The following THSD7B variants were observed in gnomAD, a reference collection of about 807,000 sequenced individuals.
THSD7B encodes thrombospondin type 1 domain containing 7B.
In THSD7B, 138 loss-of-function variants were observed where a neutral mutation model predicts 213.6. The ratio of observed to expected loss-of-function variants is 0.65; its 90% CI spans 0.56 to 0.74. THSD7B has a LOEUF of 0.74. Among genes scored for constraint, THSD7B ranks in the 30% least tolerant of loss-of-function variants. The probability of loss-of-function intolerance (pLI) is 0.00; values close to 1 mark genes in which losing one functional copy is unlikely to be tolerated. For synonymous variants in THSD7B, 742 were observed against 687.0 expected (o/e 1.08, Z -1.25); for missense variants, 1,931 against 1,991.5 (o/e 0.97, Z 0.58).
At chr2:137,082,031 C>T (rs563572320) in intron 3 of THSD7B, among the ~76,000 whole-genome samples, 1 of 152,246 alleles carries the variant, frequency 6.6e-6, no homozygotes, top group East Asian at 1.9e-4. Flanking sequence ...TTATCCATGA[C>T]TGCCACTTCC....
At chr2:137,085,955 T>C (rs1687832612) in intron 3 of THSD7B, among the ~76,000 whole-genome samples, 1 of 152,236 alleles carries the variant, frequency 6.6e-6, no homozygotes, top group African/African-American at 2.4e-5. Context: ...TCAGAATCTA[T>C]GCATATGTTT....
chr2:137,374,591 T>A lies in THSD7B; in HGVS notation c.2501-31022T>A, dbSNP rs1014786463. On this transcript the variant is annotated intron_variant, in intron 12 of 27. Coordinates refer to ENST00000409968, the MANE Select transcript of THSD7B (RefSeq NM_001316349.2). Reference sequence around the variant, plus strand: ...AATTTTTTTAACCTAAATTGTAGAATGTTTTCCATTGTGTATTAGCATGCT... The same window carrying A: ...AATTTTTTTAACCTAAATTGTAGAAAGTTTTCCATTGTGTATTAGCATGCT... 8.1e-4 allele frequency among the ~76,000 whole-genome samples: 124 copies of A among 152,230 alleles called. 1 individual carries two copies. The highest frequency in any genetic ancestry group is 5.9e-4 in the Non-Finnish European group (40 of 68,050).
At chr2:137,442,156 C>T (rs76912004) in intron 14 of THSD7B, among the ~76,000 whole-genome samples, 5,629 of 152,058 alleles carry the variant, frequency 0.037, 147 homozygotes, top group Non-Finnish European at 0.052. Context: ...GATTTATAAT[C>T]CATATTGTGA....
intron 2 of THSD7B, among the ~76,000 whole-genome samples, chr2:136,897,260 G>A (rs566410691): frequency 7.9e-5 from 12 of 152,104 alleles, no homozygotes; most frequent in Admixed American, 2.6e-4. Context: ...ATGAAGTCAC[G>A]GACCTGCATG....
chr2:137,102,131 T>C (rs762925022), intron 4 of THSD7B, among the ~76,000 whole-genome samples: 39 of 152,186 alleles, frequency 2.6e-4, no homozygotes, highest in Non-Finnish European at 1.8e-4. Context: ...AGACACTTCA[T>C]ACAGGAGAGT....
At chr2:136,826,796 C>A (rs545168641) in intron 1 of THSD7B, among the ~76,000 whole-genome samples, 14 of 152,192 alleles carry the variant, frequency 9.2e-5, no homozygotes, top group African/African-American at 2.9e-4. Flanking sequence ...CTCTGCTACT[C>A]TTCCCAACAC....
chr2:137,580,711 C>G (rs1277166896), intron 17 of THSD7B, among the ~76,000 whole-genome samples: 1 of 152,150 alleles, frequency 6.6e-6, no homozygotes, highest in Admixed American at 6.5e-5. Flanking sequence ...GTCCTGCAAG[C>G]TGTACAGGAA....
intron 2 of THSD7B, among the ~76,000 whole-genome samples, chr2:136,956,253 G>A (rs1685122216): frequency 2.0e-5 from 3 of 152,070 alleles, no homozygotes; most frequent in African/African-American, 7.2e-5. Context: ...TTTTAACTAT[G>A]TGTCAGCAAA....
chr2:137,006,598 A>G (rs1686118622), intron 2 of THSD7B, among the ~76,000 whole-genome samples: 3 of 152,206 alleles, frequency 2.0e-5, no homozygotes, highest in African/African-American at 7.2e-5. Context: ...TTATCAATGC[A>G]GAGAATAAAT....
chr2:137,022,548 T>G (rs1315901808), intron 2 of THSD7B, among the ~76,000 whole-genome samples: 1 of 151,086 alleles, frequency 6.6e-6, no homozygotes, highest in Non-Finnish European at 1.5e-5. Context: ...AAATCTTCGT[T>G]TTTTTTTTAT....
chr2:137,626,170 T>C (rs1461753157), intron 20 of THSD7B, among the ~76,000 whole-genome samples: 5 of 152,108 alleles, frequency 3.3e-5, no homozygotes, highest in Admixed American at 6.5e-5. Context: ...ATCTTTAAAA[T>C]GCCTTTAGGG....
chr2:137,030,929 G>T (rs1271100436), intron 2 of THSD7B, among the ~76,000 whole-genome samples: 1 of 152,144 alleles, frequency 6.6e-6, no homozygotes, highest in African/African-American at 2.4e-5. Context: ...TGAAATAAAA[G>T]AATTCAAAAT....
chr2:137,314,678 A>G (rs368110629), intron 12 of THSD7B, among the ~76,000 whole-genome samples: 2 of 151,986 alleles, frequency 1.3e-5, no homozygotes, highest in Non-Finnish European at 2.9e-5. Flanking sequence ...TGTACAGATG[A>G]GTTTTTGGTG....
chr2:136,987,984 G>A (rs1197624276), intron 2 of THSD7B, among the ~76,000 whole-genome samples: 1 of 152,130 alleles, frequency 6.6e-6, no homozygotes, highest in Non-Finnish European at 1.5e-5. Context: ...AAGTCCAAAT[G>A]TTTATTTTTA....
intron 15 of THSD7B, among the ~76,000 whole-genome samples, chr2:137,527,914 A>G (rs146535968): frequency 2.6e-5 from 4 of 152,200 alleles, no homozygotes; most frequent in African/African-American, 7.2e-5. Flanking sequence ...GAAAAACTGG[A>G]TTCTAGAGTC....
rs558155993 is a variant in THSD7B, at chr2:137,234,786, C to T, written c.2150+1653C>T. On this transcript the variant is annotated intron_variant, in intron 9 of 27. Coordinates refer to ENST00000409968, the MANE Select transcript of THSD7B (RefSeq NM_001316349.2). ...AAGATCAAGGGAAGTGTATGTTTAT[C>T]TTTTGCTTCAAGAAAAACATATTTA... is the stretch of plus-strand genomic sequence containing the variant. 7.2e-5 allele frequency among the ~76,000 whole-genome samples: 11 copies of T among 152,218 alleles called. No individual in the cohort carries two copies. In the South Asian group the frequency reaches 2.1e-3, roughly 29 times the overall value.
At chr2:137,297,604 C>T (rs997102128) in intron 12 of THSD7B, among the ~76,000 whole-genome samples, 1 of 151,996 alleles carries the variant, frequency 6.6e-6, no homozygotes, top group Non-Finnish European at 1.5e-5. Flanking sequence ...TATGGTGCCC[C>T]CACCCAAATC....
chr2:137,666,723 T>C (rs546037780), intron 26 of THSD7B, among the ~76,000 whole-genome samples: 41 of 152,176 alleles, frequency 2.7e-4, no homozygotes, highest in South Asian at 1.2e-3. Flanking sequence ...TATATGCTCA[T>C]ATAAAATAGA....
chr2:137,250,938 C>T lies in THSD7B; in HGVS notation c.2266+8366C>T, dbSNP rs1473924155. On this transcript the variant is annotated intron_variant, in intron 10 of 27. Coordinates refer to ENST00000409968, the MANE Select transcript of THSD7B (RefSeq NM_001316349.2). ...CTGCTGGAAATAAACACTTTGCCCTCTGAAGTCCCATGCTCTGTCTGAAAT... is the reference window on the plus strand; with the variant it reads ...CTGCTGGAAATAAACACTTTGCCCTTTGAAGTCCCATGCTCTGTCTGAAAT... Among the ~76,000 whole-genome samples the T allele has an allele frequency of 1.3e-5, 2 of 152,136 alleles. 1 individual carries two copies. The highest frequency in any genetic ancestry group is 2.9e-5 in the Non-Finnish European group (2 of 68,034).
Sources: gnomAD v4.1 joint callset for allele counts (sites outside exome capture counted in the v4.1 genomes callset) on GRCh38, gnomAD v4.1.1 for gene constraint, MANE v1.5 for transcripts, NCBI Gene and HGNC (gene_info 2026-07-23, HGNC 2026-07-21) for gene names.